Variants in MBNL1 observed in about 807,000 individuals in gnomAD.
MBNL1 encodes the protein muscleblind-like protein 1.
In MBNL1, 8 loss-of-function variants were observed where a neutral mutation model predicts 42.2. The observed-to-expected ratio is 0.19, with a 90% CI of 0.11 to 0.34. The LOEUF is 0.34. Ranked by LOEUF, MBNL1 falls within the 10% of genes least tolerant of loss-of-function variation. The pLI is 1.00. For missense variants in MBNL1, 309 were observed against 495.3 expected, an observed-to-expected ratio of 0.62 and a Z score of 3.57; for synonymous variants, 169 against 173.9, an observed-to-expected ratio of 0.97 and a Z score of 0.22.
At chr3:152,290,247 G>A (rs977162046) in intron 1 of MBNL1, among the ~76,000 whole-genome samples, 1 of 151,934 alleles carries the variant, frequency 6.6e-6, no homozygotes, top group African/African-American at 2.4e-5. Flanking sequence ...ATTCTGAACA[G>A]TGTGGCAACT....
Position 152,447,604 on chromosome 3 carries a change from C to T in MBNL1, c.808-16C>T, listed in dbSNP as rs745976061. The stretch of plus-strand genomic sequence containing the variant: ...TTTTTACTGGTATTTGTTTTTTATA[C>T]TCATTCACTAAACAGGGAATTCCTC... On this transcript the variant is annotated splice_polypyrimidine_tract_variant and intron_variant, in intron 5 of 9. Coordinates refer to ENST00000324210, the MANE Select transcript of MBNL1 (RefSeq NM_021038.5). 4.4e-6 allele frequency: 7 copies of T among 1,598,674 alleles called. No homozygotes were observed. The highest frequency in any genetic ancestry group is 2.7e-5 in the African/African-American group (2 of 74,232).
At chr3:152,407,989 A>T (rs2153600013) in intron 2 of MBNL1, among the ~76,000 whole-genome samples, 1 of 152,140 alleles carries the variant, frequency 6.6e-6, no homozygotes, top group Admixed American at 6.5e-5. Context: ...AGGGCGAGGC[A>T]AGAGATTGAG....
intron 1 of MBNL1, among the ~76,000 whole-genome samples, chr3:152,288,164 C>G (rs1412967725): frequency 2.0e-5 from 3 of 152,170 alleles, no homozygotes; most frequent in Non-Finnish European, 4.4e-5. Flanking sequence ...AATTCACTTT[C>G]AGGTACTTTA....
intron 2 of MBNL1, among the ~76,000 whole-genome samples, chr3:152,317,386 C>G (rs901515133): frequency 1.3e-5 from 2 of 152,054 alleles, no homozygotes; most frequent in African/African-American, 4.8e-5. Flanking sequence ...GTGGCGCAAT[C>G]TTAGCTCACT....
chr3:152,415,012 T>C lies in MBNL1; in HGVS notation c.246T>C (p.Asn82=). The C allele has an allele frequency of 6.2e-7, 1 of 1,609,078 alleles. No individual in the cohort carries two copies. The highest frequency in any genetic ancestry group is 8.5e-7 in the Non-Finnish European group (1 of 1,178,550). ...ATTTAAAAACGCAGTTGGAGATAAA[T>C]GGACGCAATAACTTGATTCAGCAGA... The part of the protein sequence containing the change: ...PPHLKTQLEI[N]GRNNLIQQKN... Residue 82 remains asparagine, a synonymous_variant, in exon 3 of 10, where the codon AAT becomes AAC. Coordinates refer to ENST00000324210, the MANE Select transcript of MBNL1 (RefSeq NM_021038.5).
intron 2 of MBNL1, among the ~76,000 whole-genome samples, chr3:152,307,638 A>T (rs2063891888): frequency 6.6e-6 from 1 of 152,240 alleles, no homozygotes; most frequent in Admixed American, 6.5e-5. Context: ...TAATACATGC[A>T]AGGTCAGTCA....
intron 2 of MBNL1, among the ~76,000 whole-genome samples, chr3:152,342,347 T>C (rs1490716974): frequency 1.3e-5 from 2 of 152,186 alleles, no homozygotes; most frequent in African/African-American, 4.8e-5. Flanking sequence ...GTCTAAAATA[T>C]GAATAATATT....
At chr3:152,291,388 T>C (rs2055886887) in intron 1 of MBNL1, among the ~76,000 whole-genome samples, 1 of 152,138 alleles carries the variant, frequency 6.6e-6, no homozygotes, top group African/African-American at 2.4e-5. Flanking sequence ...ATCAAGGAGG[T>C]ATTTAAATAT....
intron 2 of MBNL1, among the ~76,000 whole-genome samples, chr3:152,247,190 G>A (rs567314417): frequency 6.6e-6 from 1 of 152,146 alleles, no homozygotes; most frequent in Admixed American, 6.6e-5. Flanking sequence ...GACATGACCT[G>A]TTATTGAAAA....
chr3:152,284,216 T>C lies in MBNL1; in HGVS notation c.-790+15124T>C, dbSNP rs539221790. ...ATTTCTTGAAGGAAAACATTTCTTT[T>C]CCTAGGATAGTAGGGAACAAAGAAA... is the stretch of plus-strand genomic sequence containing the variant. On this transcript the variant is annotated intron_variant, in intron 1 of 9. Coordinates refer to ENST00000324210, the MANE Select transcript of MBNL1 (RefSeq NM_021038.5). 5.7e-3 allele frequency among the ~76,000 whole-genome samples: 865 copies of C among 152,174 alleles called. 9 individuals are homozygous for C. The highest frequency in any genetic ancestry group is 0.02 in the African/African-American group (836 of 41,526).
At position 152,463,834 on chromosome 3, in the gene MBNL1, T is replaced by C. The variant is rs1455929553; in HGVS notation, c.*1468T>C. On this transcript the variant is annotated 3_prime_UTR_variant, in exon 10 of 10. Transcript: ENST00000324210. ...AAAAATTGCTGAAGTAGGGGCCAGG[T>C]CACTGGTAGTTATAGTATGGAATGG... is the stretch of plus-strand genomic sequence containing the variant. The C allele has an allele frequency of 6.6e-6, 1 of 152,554 alleles. No homozygotes were observed. The highest frequency in any genetic ancestry group is 1.9e-4 in the East Asian group (1 of 5,204). The allele number at this position is 152,554 out of a possible 1,614,324, so 9.5% of individuals were successfully genotyped here. A position where few individuals can be genotyped will look rare whatever the true frequency, so the allele number is the denominator to read the frequency against.
intron 2 of MBNL1, among the ~76,000 whole-genome samples, chr3:152,374,656 A>G (rs1264565224): frequency 1.3e-5 from 2 of 152,236 alleles, no homozygotes; most frequent in East Asian, 3.8e-4. Flanking sequence ...TTATTAAATA[A>G]TCTAGATCAC....
At chr3:152,449,649 A>G (rs1274257778) in intron 6 of MBNL1, among the ~76,000 whole-genome samples, 2 of 152,176 alleles carry the variant, frequency 1.3e-5, no homozygotes, top group Admixed American at 1.3e-4. Flanking sequence ...AAAATAATAA[A>G]CTCATTCATA....
chr3:152,332,742 G>A (rs543151715), intron 2 of MBNL1, among the ~76,000 whole-genome samples: 15 of 85,726 alleles, frequency 1.7e-4, no homozygotes, highest in South Asian at 1.1e-3. Flanking sequence ...GTGTGTGTGC[G>A]CGCGCGCATG....
At chr3:152,249,454 T>G (rs1218294880) in intron 2 of MBNL1, among the ~76,000 whole-genome samples, 1 of 105,594 alleles carries the variant, frequency 9.5e-6, no homozygotes. Flanking sequence ...TGCCCACTTT[T>G]TAATGGGGTT....
In MBNL1 at chr3:152,389,906, C is replaced by T. The variant is rs550878877; in HGVS notation, c.175-25035C>T. On this transcript the variant is annotated intron_variant, in intron 2 of 9. Transcript: ENST00000324210. The stretch of plus-strand genomic sequence containing the variant: ...TTATTTATTTTTTGAGATGGAGTCT[C>T]GCTCTGTTGCCCAGGCTGGACTGCA... Among the ~76,000 whole-genome samples, 9 of 152,106 alleles carry T rather than the reference C, an allele frequency of 5.9e-5. 1 individual carries two copies. Among genetic ancestry groups the T allele is most frequent in the Admixed American group, 1.3e-4 (2 of 15,282 alleles).
At position 152,300,381 on chromosome 3, in the gene MBNL1, A is replaced by G. The variant is rs758425774; in HGVS notation, c.174+14A>G. On this transcript the variant is annotated intron_variant, in intron 2 of 9. Transcript: ENST00000324210. ...GATTCATTGAAAGTGAGTAACTATT[A>G]TATTCTTTTAAGGATATTCAATGAT... 6.2e-7 allele frequency: 1 copy of G among 1,606,126 alleles called. No individual in the cohort carries two copies. The highest frequency in any genetic ancestry group is 1.1e-5 in the South Asian group (1 of 90,798).
chr3:152,337,472 G>A (rs1339218835), intron 2 of MBNL1, among the ~76,000 whole-genome samples: 1 of 151,992 alleles, frequency 6.6e-6, no homozygotes. Flanking sequence ...ACAAAAATTA[G>A]CTGGGTGTGG....
In MBNL1 at chr3:152,464,734, A is replaced by G. The variant is rs1469925993; in HGVS notation, c.*2368A>G. The G allele has an allele frequency of 1.3e-5, 2 of 152,626 alleles. No homozygotes were observed. Among genetic ancestry groups the G allele is most frequent in the Non-Finnish European group, 2.9e-5 (2 of 68,028 alleles). 9.5% of individuals were successfully genotyped at this position (152,626 alleles called of 1,614,324 possible). ...TCAAAGTTTACGTAATGAAAATTATAGCGTGTGTGCAAACTCTTGAGGGTT... is the reference window on the plus strand; with the variant it reads ...TCAAAGTTTACGTAATGAAAATTATGGCGTGTGTGCAAACTCTTGAGGGTT... On this transcript the variant is annotated 3_prime_UTR_variant, in exon 10 of 10. Coordinates refer to ENST00000324210, the MANE Select transcript of MBNL1 (RefSeq NM_021038.5).
Sources: gnomAD v4.1 joint callset for allele counts (sites outside exome capture counted in the v4.1 genomes callset) on GRCh38, gnomAD v4.1.1 for gene constraint, MANE v1.5 for transcripts, NCBI Gene and HGNC (gene_info 2026-07-23, HGNC 2026-07-21) for gene names.